Variants in SERHL2 observed in about 807,000 individuals in gnomAD.
The protein encoded by SERHL2 is serine hydrolase-like protein 2.
In SERHL2, 29 loss-of-function variants were observed where a neutral mutation model predicts 25.5. The observed-to-expected ratio is 1.14, with a 90% confidence interval of 0.85 to 1.55. SERHL2 has a LOEUF of 1.55. Ranked by LOEUF, SERHL2 falls within the 40% of genes most tolerant of loss-of-function variation. SERHL2 has a pLI of 0.00. For missense variants in SERHL2, 240 were observed against 252.3 expected, an observed-to-expected ratio of 0.95 and a Z score of 0.33; for synonymous variants, 95 against 103.5, an observed-to-expected ratio of 0.92 and a Z score of 0.50.
chr22:42,574,266 T>C lies in SERHL2; in HGVS notation c.*211T>C, dbSNP rs879381026. On this transcript the variant is annotated 3_prime_UTR_variant, in exon 12 of 12. Coordinates refer to ENST00000327678, the MANE Select transcript of SERHL2 (RefSeq NM_014509.5). Reference sequence around the variant, plus strand: ...GACAGAGTCTGGGTTCCAGGGCTGCTTTCTCCTGGCTAATAATAAATATCC... The same window carrying C: ...GACAGAGTCTGGGTTCCAGGGCTGCCTTCTCCTGGCTAATAATAAATATCC... The C allele has an allele frequency of 6.9e-6, 4 of 576,164 alleles. No homozygotes were observed. Among genetic ancestry groups the C allele is most frequent in the Non-Finnish European group, 1.2e-5 (4 of 327,728 alleles). The allele number at this position is 576,164 out of a possible 1,614,324, so 35.7% of individuals were successfully genotyped here.
chr22:42,571,944 C>CGG (rs1485608587), intron 10 of SERHL2: 1 of 11,848 alleles, frequency 8.4e-5, no homozygotes, highest in Non-Finnish European at 1.9e-4. Flanking sequence ...GGGCGGGGGG[C>CGG]GGGGGGTGGG....
intron 9 of SERHL2, among the ~76,000 whole-genome samples, chr22:42,567,749 A>G (rs561421391): frequency 3.5e-4 from 53 of 149,638 alleles, no homozygotes; most frequent in African/African-American, 1.1e-3. Flanking sequence ...ATTATTATTG[A>G]TACAGAGTCT....
At chr22:42,564,726 C>T (rs866780604) in intron 8 of SERHL2, among the ~76,000 whole-genome samples, 2 of 151,930 alleles carry the variant, frequency 1.3e-5, no homozygotes, top group African/African-American at 2.4e-5. Flanking sequence ...CCACCGCACC[C>T]GGCCTGAGGA....
intron 9 of SERHL2, among the ~76,000 whole-genome samples, chr22:42,568,346 A>ACAGGTAGTTATTC (rs137042): frequency 7.0e-6 from 1 of 141,872 alleles, no homozygotes; most frequent in African/African-American, 2.7e-5. Context: ...TTCTAGATGA[A>ACAGGTAGTTATTC]CAATACCAGC....
intron 8 of SERHL2, among the ~76,000 whole-genome samples, chr22:42,561,097 T>C (rs186098819): frequency 1.6e-4 from 24 of 152,010 alleles, no homozygotes; most frequent in African/African-American, 4.8e-4. Flanking sequence ...GAGAAGCAGA[T>C]GATACACAGG....
At chr22:42,562,131 G>T (rs932792450) in intron 8 of SERHL2, among the ~76,000 whole-genome samples, 1 of 151,776 alleles carries the variant, frequency 6.6e-6, no homozygotes, top group African/African-American at 2.4e-5. Flanking sequence ...CTCTGCAGCA[G>T]TTGTGGCCTT....
chr22:42,560,643 A>G (rs1922572022), intron 8 of SERHL2, among the ~76,000 whole-genome samples: 2 of 151,930 alleles, frequency 1.3e-5, no homozygotes, highest in African/African-American at 4.8e-5. Flanking sequence ...GCTTTTCACA[A>G]TGGAGAGGTG....
intron 10 of SERHL2, 56 bp from the exon 11 acceptor site, chr22:42,572,380 C>G (rs568208783): frequency 7.5e-7 from 1 of 1,342,018 alleles, no homozygotes; most frequent in African/African-American, 1.4e-5. Flanking sequence ...ATGGGGGCAC[C>G]GCTGGGAGGC....
chr22:42,560,593 G>T (rs942512970), intron 8 of SERHL2, among the ~76,000 whole-genome samples: 1 of 151,986 alleles, frequency 6.6e-6, no homozygotes, highest in Non-Finnish European at 1.5e-5. Context: ...GCCAGAGGCA[G>T]GCTGTGAGGA....
chr22:42,570,309 C>T (rs1403537843), intron 9 of SERHL2, among the ~76,000 whole-genome samples: 10 of 151,938 alleles, frequency 6.6e-5, no homozygotes, highest in Admixed American at 3.3e-4. Flanking sequence ...CCCAGCTACT[C>T]GGTAGGCTGA....
In SERHL2 at chr22:42,560,200, A is replaced by G. The variant is rs1389525508; in HGVS notation, c.548A>G (p.Asn183Ser). Residue 183 changes from asparagine to serine, a missense_variant, in exon 8 of 12, where the codon AAT becomes AGT. Asn to Ser is a conservative substitution (Grantham distance 46). Around this residue, in one of 4 missense-constraint regions of SERHL2, gnomAD observed 212 missense variants for 168.9 expected, o/e 1.25. Transcript: ENST00000327678. ...KQLLQRLLKS[N>S]SHLSEECGEL... ...TCTCCCCCCAGGTTACTGAAGAGCA[A>G]TAGCCACTTGAGTGAGGAGTGCGGG... 8.7e-6 allele frequency: 14 copies of G among 1,612,552 alleles called. No homozygotes were observed. Among genetic ancestry groups the G allele is most frequent in the Admixed American group, 1.7e-5 (1 of 60,012 alleles).
rs1200324885 is a variant in SERHL2 at position 42,571,138 on chromosome 22, C to A, written c.666C>A (p.Asp222Glu). 1 of 1,613,426 alleles carries A rather than the reference C, an allele frequency of 6.2e-7. No homozygotes were observed. The highest frequency in any genetic ancestry group is 1.1e-5 in the South Asian group (1 of 91,070). The part of the protein sequence containing the change: ...QRLAWAENSI[D>E]FISRELCAHS... The stretch of plus-strand genomic sequence containing the variant: ...CTCTGCAGGCAGAGAACAGCATTGA[C>A]TTCATCAGCAGGGAGCTGTGTGCGC... Residue 222 changes from aspartate to glutamate, a missense_variant, in exon 10 of 12, where the codon GAC becomes GAA. By Grantham distance (45) the Asp-to-Glu change is conservative. This residue lies in a region of SERHL2 where 212 missense variants were observed against 168.9 expected (regional missense o/e 1.25). Transcript: ENST00000327678.
intron 6 of SERHL2, 36 bp downstream of exon 6, chr22:42,556,624 G>A: frequency 6.6e-7 from 1 of 1,519,554 alleles, no homozygotes; most frequent in Non-Finnish European, 9.0e-7. Context: ...TGTCATTAGG[G>A]AGGACCTGGG....
intron 9 of SERHL2, chr22:42,570,029 TGCTGAGA>T (rs1923949387): frequency 6.6e-6 from 1 of 151,982 alleles, no homozygotes; most frequent in African/African-American, 2.4e-5. Context: ...ATAGAGAAAA[TGCTGAGA>T]GCTCCTGCCC....
chr22:42,565,271 T>C (rs137033), intron 8 of SERHL2: 75,702 of 151,916 alleles, frequency 0.5, 23,176 homozygotes, highest in African/African-American at 0.85. Flanking sequence ...CCAGATCAGC[T>C]GAATCAACCC....
At chr22:42,572,787 C>A (rs1924416233) in intron 11 of SERHL2, 11 of 909,868 alleles carry the variant, frequency 1.2e-5, no homozygotes, top group Non-Finnish European at 1.3e-5. Flanking sequence ...GCCTCAGCCT[C>A]CTGAGTAGCT....
intron 1 of SERHL2, among the ~76,000 whole-genome samples, chr22:42,554,418 G>A (rs1569272268): frequency 2.0e-5 from 3 of 152,164 alleles, no homozygotes; most frequent in African/African-American, 7.2e-5. Flanking sequence ...TGTGACCTTG[G>A]GCATGTACTG....
chr22:42,564,685 C>T (rs1005360688), intron 8 of SERHL2, among the ~76,000 whole-genome samples: 2 of 151,960 alleles, frequency 1.3e-5, no homozygotes, highest in Non-Finnish European at 2.9e-5. Context: ...CCTGTCTTGG[C>T]CTCCCAAAGT....
At chr22:42,559,814 T>C (rs1922450403) in intron 7 of SERHL2, among the ~76,000 whole-genome samples, 1 of 151,864 alleles carries the variant, frequency 6.6e-6, no homozygotes, top group African/African-American at 2.4e-5. Context: ...TTTGTTGTTG[T>C]TGTGTTTTGT....
Sources: allele counts gnomAD v4.1 joint callset (sites outside exome capture counted in the v4.1 genomes callset), GRCh38; gene constraint gnomAD v4.1.1; regional missense constraint gnomAD v4.1.1; transcripts MANE v1.5; gene names NCBI Gene and HGNC (gene_info 2026-07-23, HGNC 2026-07-21).